MSANTD5: variants seen among roughly 807,000 people sequenced by gnomAD.
MSANTD5 encodes the protein uncharacterized protein MSANTD5.
At chr5:178,693,980 A>G (rs1374934832), downstream of MSANTD5, among the ~76,000 whole-genome samples, 1 of 152,042 alleles carries the variant, frequency 6.6e-6, no homozygotes, top group Non-Finnish European at 1.5e-5. Flanking sequence ...GTAAGATATC[A>G]GCTTTAATTT....
chr5:178,701,679 A>G (rs1462698851), upstream of MSANTD5, among the ~76,000 whole-genome samples: 2 of 147,540 alleles, frequency 1.4e-5, no homozygotes, highest in Non-Finnish European at 3.0e-5. Flanking sequence ...TCTCAAAAAT[A>G]TATATATATT....
chr5:178,691,959 T>C (rs1164405533), downstream of MSANTD5, among the ~76,000 whole-genome samples: 3 of 132,926 alleles, frequency 2.3e-5, no homozygotes, highest in African/African-American at 8.1e-5. Context: ...CGCCTTTTAA[T>C]GAATAGTGAC....
chr5:178,700,198 A>G (rs1024928822), upstream of MSANTD5, among the ~76,000 whole-genome samples: 119 of 152,122 alleles, frequency 7.8e-4, no homozygotes, highest in African/African-American at 2.7e-3. Context: ...CTGCCTCGCC[A>G]TGCTCTCCTC....
At chr5:178,699,656 C>A (rs557888681), upstream of MSANTD5, among the ~76,000 whole-genome samples, 1 of 152,166 alleles carries the variant, frequency 6.6e-6, no homozygotes, top group African/African-American at 2.4e-5. Context: ...GGTGATCCAC[C>A]CACCTTGGCC....
downstream of MSANTD5, among the ~76,000 whole-genome samples, chr5:178,693,871 G>T (rs1765382324): frequency 6.6e-6 from 1 of 152,022 alleles, no homozygotes; most frequent in Non-Finnish European, 1.5e-5. Context: ...AGCCCAGCTG[G>T]ATTCACCTCT....
intron 1 of MSANTD5, 27 bp from the exon 2 acceptor site, chr5:178,696,208 A>G (rs1032836919): frequency 1.5e-4 from 22 of 150,756 alleles, no homozygotes; most frequent in African/African-American, 5.4e-4. Context: ...ATAAATACAT[A>G]TTAGAATCTC....
the MSANTD5 span, among the ~76,000 whole-genome samples, chr5:178,705,906 G>A: frequency 4.6e-5 from 7 of 151,626 alleles, no homozygotes; most frequent in Admixed American, 3.3e-4. Context: ...GCAGTGAGCC[G>A]AGATCACACC....
At chr5:178,696,469 G>A (rs183016422) in intron 1 of MSANTD5, among the ~76,000 whole-genome samples, 4 of 152,166 alleles carry the variant, frequency 2.6e-5, no homozygotes, top group African/African-American at 4.8e-5. Context: ...CAAGTGATCC[G>A]CCTGTCTTGG....
chr5:178,701,469 G>A (rs1765482469), upstream of MSANTD5, among the ~76,000 whole-genome samples: 1 of 151,826 alleles, frequency 6.6e-6, no homozygotes, highest in South Asian at 2.1e-4. Context: ...GGTCCGCACA[G>A]GTCACACACT....
chr5:178,701,471 T>C (rs1765482521), upstream of MSANTD5, among the ~76,000 whole-genome samples: 1 of 151,884 alleles, frequency 6.6e-6, no homozygotes, highest in African/African-American at 2.4e-5. Flanking sequence ...TCCGCACAGG[T>C]CACACACTGG....
exon 1 of MSANTD5, chr5:178,697,605 T>C (rs1273080729): frequency 6.6e-6 from 1 of 152,118 alleles, no homozygotes; most frequent in East Asian, 1.9e-4. Flanking sequence ...TACTCCTGAG[T>C]TTTCTCCCGG....
At chr5:178,706,840 G>A in the MSANTD5 span, 1 of 152,100 alleles carries the variant, frequency 6.6e-6, no homozygotes, top group Non-Finnish European at 1.5e-5. Flanking sequence ...TGGAGCTAAT[G>A]GCAGTGGCGG....
chr5:178,696,392 T>G (rs541392089), intron 1 of MSANTD5, among the ~76,000 whole-genome samples: 40 of 152,054 alleles, frequency 2.6e-4, no homozygotes, highest in Non-Finnish European at 4.4e-4. Context: ...CTGGCTAATA[T>G]TTGGTGTTTT....
the MSANTD5 span, among the ~76,000 whole-genome samples, chr5:178,703,545 T>C: frequency 3.9e-3 from 591 of 152,320 alleles, 8 homozygotes; most frequent in African/African-American, 0.014. Flanking sequence ...GAGAGGTTGA[T>C]TAATGGGTAC....
chr5:178,698,749 C>CTTTTTTTT (rs70997624), upstream of MSANTD5, among the ~76,000 whole-genome samples: 2 of 98,792 alleles, frequency 2.0e-5, no homozygotes, highest in African/African-American at 8.0e-5. Flanking sequence ...CATGCTTGGC[C>CTTTTTTTT]TTTTTTTTTT....
chr5:178,705,122 CA>C, the MSANTD5 span, among the ~76,000 whole-genome samples: 1 of 151,992 alleles, frequency 6.6e-6, no homozygotes, highest in African/African-American at 2.4e-5. Context: ...AATCTTGGCT[CA>C]CTACAGCCTC....
the MSANTD5 span, among the ~76,000 whole-genome samples, chr5:178,702,851 C>T: frequency 1.3e-5 from 2 of 152,156 alleles, no homozygotes; most frequent in Non-Finnish European, 2.9e-5. Flanking sequence ...TCCGCCTCGG[C>T]CTCCCAAAGT....
intron 2 of MSANTD5, 136 bp from the exon 3 acceptor site, chr5:178,695,734 G>C (rs1765405751): frequency 6.6e-6 from 1 of 152,218 alleles, no homozygotes; most frequent in Non-Finnish European, 1.5e-5. Flanking sequence ...TGAGAAGTGA[G>C]AGATTCAGCA....
At chr5:178,696,405 T>C (rs1050650108) in intron 1 of MSANTD5, among the ~76,000 whole-genome samples, 1 of 152,042 alleles carries the variant, frequency 6.6e-6, no homozygotes, top group Non-Finnish European at 1.5e-5. Flanking sequence ...GGTGTTTTTT[T>C]AGTAGAGACG....
Sources: allele counts gnomAD v4.1 joint callset (sites outside exome capture counted in the v4.1 genomes callset), GRCh38; gene constraint gnomAD v4.1.1; transcripts MANE v1.5; gene names NCBI Gene and HGNC (gene_info 2026-07-23, HGNC 2026-07-21).